COPG2: variants seen among roughly 807,000 people sequenced by gnomAD.
COPG2 encodes the protein coatomer subunit gamma-2.
Under a neutral mutation model 46.3 loss-of-function variants are expected in COPG2, and 37 were observed. That is an observed-to-expected ratio of 0.80 (90% confidence interval 0.61 to 1.05). The LOEUF (loss-of-function observed/expected upper bound fraction) is 1.05, where lower values mean the gene tolerates loss of function less well. Among genes scored for constraint, COPG2 ranks in the 50% least tolerant of loss-of-function variants. The probability of loss-of-function intolerance (pLI) is 0.00; values close to 1 mark genes in which losing one functional copy is unlikely to be tolerated. For synonymous variants in COPG2, 159 were observed against 129.7 expected (o/e 1.23, Z -1.53); for missense variants, 427 against 387.8 (o/e 1.10, Z -0.85).
chr7:130,633,221 T>G (rs2116172825), intron 5 of COPG2, among the ~76,000 whole-genome samples: 1 of 152,316 alleles, frequency 6.6e-6, no homozygotes, highest in Non-Finnish European at 1.5e-5. Context: ...GCATGTGTCT[T>G]TATAGCAGAA....
intron 9 of COPG2, among the ~76,000 whole-genome samples, chr7:130,572,419 C>T (rs578077760): frequency 6.6e-6 from 1 of 152,170 alleles, no homozygotes; most frequent in East Asian, 1.9e-4. Context: ...AATACAAATT[C>T]TTTCTCAGTG....
chr7:130,509,039 A>AC, intron 20 of COPG2: 1 of 477,762 alleles, frequency 2.1e-6, no homozygotes, highest in Non-Finnish European at 4.1e-6. Context: ...AAAAAAAAAA[A>AC]CAAAAAAAAA....
chr7:130,643,025 T>C (rs944100179), intron 5 of COPG2, among the ~76,000 whole-genome samples: 1 of 149,996 alleles, frequency 6.7e-6, no homozygotes, highest in African/African-American at 2.5e-5. Flanking sequence ...ACAAAAACTA[T>C]AGGCCGGGCG....
chr7:130,529,473 A>C (rs1020705215), intron 20 of COPG2, among the ~76,000 whole-genome samples: 156 of 152,300 alleles, frequency 1.0e-3, no homozygotes, highest in African/African-American at 3.6e-3. Context: ...GAATCTCATG[A>C]ATTTGAGGGT....
intron 5 of COPG2, among the ~76,000 whole-genome samples, chr7:130,642,805 T>C (rs1448701929): frequency 6.6e-6 from 1 of 151,730 alleles, no homozygotes; most frequent in Non-Finnish European, 1.5e-5. Context: ...GGCAGATCAC[T>C]TGAGGTCAGG....
intron 5 of COPG2, 37 bp downstream of exon 5, chr7:130,652,832 A>C: frequency 7.7e-7 from 1 of 1,298,462 alleles, no homozygotes; most frequent in Non-Finnish European, 1.1e-6. Context: ...CAGCAAATAT[A>C]TAAGTATCTC....
chr7:130,638,037 G>A (rs990857897), intron 5 of COPG2, among the ~76,000 whole-genome samples: 2 of 152,168 alleles, frequency 1.3e-5, no homozygotes, highest in Admixed American at 1.3e-4. Flanking sequence ...CTGTTTGCCT[G>A]GGTATCACCA....
intron 9 of COPG2, among the ~76,000 whole-genome samples, chr7:130,601,109 A>G (rs782015989): frequency 2.0e-5 from 3 of 152,240 alleles, no homozygotes; most frequent in Non-Finnish European, 2.9e-5. Context: ...AATCAAAACC[A>G]CAATGAGATA....
At chr7:130,656,888 T>C (rs1275248132) in intron 4 of COPG2, among the ~76,000 whole-genome samples, 10 of 151,546 alleles carry the variant, frequency 6.6e-5, no homozygotes, top group African/African-American at 2.4e-4. Context: ...GCTCTTTAGA[T>C]TTAATGCAAG....
intron 12 of COPG2, among the ~76,000 whole-genome samples, chr7:130,557,840 C>CAAAAAAAAAAG (rs1793655722): frequency 4.5e-5 from 1 of 22,436 alleles, no homozygotes; most frequent in Non-Finnish European, 9.1e-5. Context: ...AAAAAAAAAT[C>CAAAAAAAAAAG]ATGCAAGAAT....
chr7:130,546,045 T>C (rs1793438078), intron 20 of COPG2, among the ~76,000 whole-genome samples: 1 of 152,198 alleles, frequency 6.6e-6, no homozygotes, highest in Non-Finnish European at 1.5e-5. Context: ...GTATTCTCAA[T>C]TGGCAAGGGA....
rs34699820 is a variant in COPG2, at chr7:130,612,248, G to GAA, written c.493-12_493-11dup. 33 of 1,094,246 alleles carry GAA rather than the reference G, an allele frequency of 3.0e-5. No individual in the cohort carries two copies. The highest frequency in any genetic ancestry group is 1.0e-4 in the South Asian group (6 of 57,888). 67.8% of individuals were successfully genotyped at this position (1,094,246 alleles called of 1,614,324 possible). On this transcript the variant is annotated splice_polypyrimidine_tract_variant and intron_variant, in intron 7 of 23. Coordinates refer to ENST00000425248, the MANE Select transcript of COPG2 (RefSeq NM_012133.6). The stretch of plus-strand genomic sequence containing the variant: ...TTATCTTCATCATGTGCTAAATACA[G>GAA]AAAAAAAAAAATGAGAATAAATAAT...
At chr7:130,667,292 T>C (rs1327481108) in intron 2 of COPG2, among the ~76,000 whole-genome samples, 190 bp downstream of exon 2, 1 of 152,230 alleles carries the variant, frequency 6.6e-6, no homozygotes, top group African/African-American at 2.4e-5. Flanking sequence ...CTTCATGTCT[T>C]TGCATTTCTA....
intron 9 of COPG2, among the ~76,000 whole-genome samples, chr7:130,598,802 C>T (rs1554450031): frequency 1.3e-5 from 2 of 152,352 alleles, no homozygotes. Flanking sequence ...ATTTCAATAA[C>T]TCTATCATGC....
chr7:130,604,673 A>G (rs994969915), intron 9 of COPG2: 3 of 503,572 alleles, frequency 6.0e-6, no homozygotes, highest in Non-Finnish European at 1.2e-5. Context: ...TTCTTCACTT[A>G]TTGCACAAAG....
At chr7:130,618,500 T>C (rs368786308) in intron 5 of COPG2, among the ~76,000 whole-genome samples, 45 of 152,358 alleles carry the variant, frequency 3.0e-4, no homozygotes, top group African/African-American at 9.1e-4. Context: ...AATGTATCAT[T>C]TGATTGCATT....
rs59914833 is a variant in COPG2 at position 130,647,712 on chromosome 7, A to G, written c.323+5157T>C. 5.0e-3 allele frequency among the ~76,000 whole-genome samples: 744 copies of G among 149,634 alleles called. 3 individuals carry two copies. The highest frequency in any genetic ancestry group is 0.018 in the African/African-American group (714 of 40,772). On this transcript the variant is annotated intron_variant, in intron 5 of 23. Transcript: ENST00000425248. ...TTTTGTTGTAACCATTCTAGTGGGT[A>G]TGCTGTACCTCATTAAGATTTTTTT...
rs555966904 is a variant in COPG2 at position 130,508,765 on chromosome 7, C to T, written c.2150-106G>A. The T allele has an allele frequency of 4.7e-6, 3 of 642,042 alleles. No individual in the cohort carries two copies. The East Asian group carries it at 8.2e-5, about 18-fold the overall frequency. 39.8% of individuals were successfully genotyped at this position (642,042 alleles called of 1,614,324 possible). A position where few individuals can be genotyped will look rare whatever the true frequency, so the allele number is the denominator to read the frequency against. On this transcript the variant is annotated intron_variant, in intron 20 of 23. Coordinates refer to ENST00000425248, the MANE Select transcript of COPG2 (RefSeq NM_012133.6). ...GTGTTCCACATTTTCCAGTTAAACA[C>T]ACATGCCCTGTTGTCTGGGGTAGTG...
At chr7:130,533,923 A>G (rs2116362505) in intron 20 of COPG2, among the ~76,000 whole-genome samples, 1 of 151,122 alleles carries the variant, frequency 6.6e-6, no homozygotes, top group East Asian at 2.0e-4. Context: ...ATGTTGATGG[A>G]AAAAGAAAGG....
Sources: gnomAD v4.1 joint callset for allele counts (sites outside exome capture counted in the v4.1 genomes callset) on GRCh38, gnomAD v4.1.1 for gene constraint, MANE v1.5 for transcripts, NCBI Gene and HGNC (gene_info 2026-07-23, HGNC 2026-07-21) for gene names.